The following CEP63 variants were observed in gnomAD, a reference collection of about 807,000 sequenced individuals.
The protein encoded by CEP63 is centrosomal protein 63.
In CEP63, 84 loss-of-function variants were observed where a neutral mutation model predicts 89.1. The ratio of observed to expected loss-of-function variants is 0.94; its 90% CI spans 0.79 to 1.13. The LOEUF (loss-of-function observed/expected upper bound fraction) is 1.13. CEP63 is among the 50% of genes most tolerant of loss of function. The probability of loss-of-function intolerance (pLI) is 0.00; values close to 1 mark genes in which losing one functional copy is unlikely to be tolerated. For missense variants in CEP63, 838 were observed against 813.3 expected (o/e 1.03, Z -0.37); for synonymous variants, 267 against 272.5 (o/e 0.98, Z 0.20).
the CEP63 span, among the ~76,000 whole-genome samples, chr3:134,751,425 A>G: frequency 1.3e-5 from 2 of 152,180 alleles, no homozygotes; most frequent in African/African-American, 2.4e-5. Flanking sequence ...TAACTTTTTG[A>G]TGAACCTACA....
At chr3:134,753,590 C>T in the CEP63 span, among the ~76,000 whole-genome samples, 2 of 152,248 alleles carry the variant, frequency 1.3e-5, no homozygotes, top group Admixed American at 1.3e-4. Context: ...TTTCCAGAGT[C>T]TTTGCTCCCC....
the CEP63 span, chr3:134,651,763 G>A: frequency 9.6e-6 from 3 of 311,528 alleles, no homozygotes; most frequent in East Asian, 1.7e-4. Context: ...GAGGGAGGGG[G>A]AGAGGAGGAG....
chr3:134,730,633 ATG>A, the CEP63 span, among the ~76,000 whole-genome samples: 1 of 152,166 alleles, frequency 6.6e-6, no homozygotes, highest in African/African-American at 2.4e-5. Flanking sequence ...CTCTAGATAA[ATG>A]TTTTTTCATA....
intron 6 of CEP63, among the ~76,000 whole-genome samples, chr3:134,543,999 C>T (rs1024652729): frequency 2.7e-5 from 4 of 149,676 alleles, no homozygotes; most frequent in African/African-American, 4.9e-5. Context: ...AAATCTTGAT[C>T]GGTAATTTAT....
the CEP63 span, among the ~76,000 whole-genome samples, chr3:134,756,479 G>T: frequency 1.3e-5 from 2 of 152,186 alleles, no homozygotes; most frequent in Non-Finnish European, 2.9e-5. Flanking sequence ...AAGTAGCTGG[G>T]GGTAGCTAAG....
At chr3:134,589,128 AG>A (rs1958547708), downstream of CEP63, among the ~76,000 whole-genome samples, 1 of 152,218 alleles carries the variant, frequency 6.6e-6, no homozygotes, top group Non-Finnish European at 1.5e-5. Context: ...CAAATATTTA[AG>A]GAAGAAGTAA....
At position 134,562,157 on chromosome 3, in the gene CEP63, C is replaced by G; in HGVS notation, c.*622C>G. The G allele has an allele frequency of 1.0e-6, 1 of 987,424 alleles. No homozygotes were observed. The highest frequency in any genetic ancestry group is 1.2e-6 in the Non-Finnish European group (1 of 831,314). 61.2% of individuals were successfully genotyped at this position (987,424 alleles called of 1,614,324 possible). ...GCAGGGAGGGCAAGGGACTGGCTGT[C>G]ATGCACGGTGCCCATGGAATATCCA... On this transcript the variant is annotated 3_prime_UTR_variant, in exon 15 of 15. Coordinates refer to ENST00000675561, the MANE Select transcript of CEP63 (RefSeq NM_001353108.3).
chr3:134,547,362 G>A lies in CEP63; in HGVS notation c.957G>A (p.Lys319=). The part of the protein sequence containing the change: ...IRPREESLAE[K]KYTSQGQGDL... Reference sequence around the variant, plus strand: ...CACGGGAAGAATCTCTGGCAGAAAAGAAGTACACCTCTCAAGGGCAGGGGG... The same window carrying A: ...CACGGGAAGAATCTCTGGCAGAAAAAAAGTACACCTCTCAAGGGCAGGGGG... The change falls in exon 9 of 15, where the codon AAG becomes AAA. Residue 319 remains lysine, a synonymous_variant. Transcript: ENST00000675561. 1 of 1,613,684 alleles carries A rather than the reference G, an allele frequency of 6.2e-7. No homozygotes were observed. The highest frequency in any genetic ancestry group is 8.5e-7 in the Non-Finnish European group (1 of 1,179,674).
At chr3:134,583,296 G>T (rs147189769) in intron 10 of CEP63, among the ~76,000 whole-genome samples, 46 of 152,150 alleles carry the variant, frequency 3.0e-4, no homozygotes, top group African/African-American at 1.1e-3. Context: ...TTTCTTCTAG[G>T]GTTTTTATGG....
chr3:134,749,888 C>T, the CEP63 span, among the ~76,000 whole-genome samples: 1 of 152,016 alleles, frequency 6.6e-6, no homozygotes, highest in African/African-American at 2.4e-5. Context: ...AGCCCTGGGC[C>T]ACACTGGTAG....
rs769414976 is a variant in CEP63, at chr3:134,532,901, G to A, written c.441+1G>A. The A allele has an allele frequency of 3.0e-5, 49 of 1,613,328 alleles. No homozygotes were observed. The highest frequency in any genetic ancestry group is 3.9e-5 in the Non-Finnish European group (46 of 1,179,654). ...TGAGAGGTTAACTGCAAAAATAGAG[G>A]TATGTTCATAGTAATAATTTGTTCA... On this transcript the variant is annotated splice_donor_variant, in intron 5 of 14. Coordinates refer to ENST00000675561, the MANE Select transcript of CEP63 (RefSeq NM_001353108.3). LOFTEE classifies it high-confidence loss of function.
intron 5 of CEP63, among the ~76,000 whole-genome samples, chr3:134,533,111 A>G (rs1242808272): frequency 1.3e-5 from 2 of 152,162 alleles, no homozygotes; most frequent in Non-Finnish European, 1.5e-5. Flanking sequence ...GTAATTCTCA[A>G]CAGGGCAGTA....
chr3:134,617,859 G>A, the CEP63 span, among the ~76,000 whole-genome samples: 2 of 152,090 alleles, frequency 1.3e-5, no homozygotes, highest in South Asian at 4.1e-4. Flanking sequence ...ACTTGGCTGA[G>A]GTCAGATTTT....
the CEP63 span, among the ~76,000 whole-genome samples, chr3:134,625,373 G>A: frequency 1.3e-5 from 2 of 152,348 alleles, no homozygotes; most frequent in African/African-American, 4.8e-5. Flanking sequence ...GGGAACATAC[G>A]CCTATTGTAG....
At chr3:134,530,338 A>G (rs1207022868) in intron 3 of CEP63, among the ~76,000 whole-genome samples, 2 of 152,206 alleles carry the variant, frequency 1.3e-5, no homozygotes, top group African/African-American at 2.4e-5. Flanking sequence ...ATAAAATGCC[A>G]TTGGATGTTT....
chr3:134,688,409 A>G, the CEP63 span, among the ~76,000 whole-genome samples: 2 of 152,212 alleles, frequency 1.3e-5, no homozygotes, highest in Non-Finnish European at 2.9e-5. Context: ...ACACAAAGCT[A>G]CTTTTTGGGG....
the CEP63 span, among the ~76,000 whole-genome samples, chr3:134,722,502 A>T: frequency 6.6e-6 from 1 of 152,052 alleles, no homozygotes. Flanking sequence ...TTAAAGAGCC[A>T]GCTTTGGTTT....
chr3:134,497,726 C>T (rs1423329668), intron 2 of CEP63, among the ~76,000 whole-genome samples: 1 of 151,756 alleles, frequency 6.6e-6, no homozygotes, highest in Non-Finnish European at 1.5e-5. Context: ...AGTCTTTAGT[C>T]CATTTTGAGT....
At chr3:134,642,566 G>T in the CEP63 span, among the ~76,000 whole-genome samples, 1 of 152,062 alleles carries the variant, frequency 6.6e-6, no homozygotes. Context: ...TGCCTTCCCC[G>T]AGTCCCCAGA....
Sources: allele counts gnomAD v4.1 joint callset (sites outside exome capture counted in the v4.1 genomes callset), GRCh38; gene constraint gnomAD v4.1.1; transcripts MANE v1.5; gene names NCBI Gene and HGNC (gene_info 2026-07-23, HGNC 2026-07-21).